The following LMNTD1 variants were observed in gnomAD, a reference collection of about 807,000 sequenced individuals.
LMNTD1 encodes lamin tail domain containing 1.
A neutral mutation model predicts 50.9 loss-of-function variants in LMNTD1; 35 were observed. The observed-to-expected ratio is 0.69, with a 90% CI of 0.53 to 0.91. The LOEUF is 0.91. Among genes scored for constraint, LMNTD1 ranks in the 40% least tolerant of loss-of-function variants. LMNTD1 has a pLI of 0.00. For synonymous variants in LMNTD1, 153 were observed against 161.9 expected (o/e 0.94, Z 0.42); for missense variants, 470 against 475.5 (o/e 0.99, Z 0.11).
intron 9 of LMNTD1, among the ~76,000 whole-genome samples, chr12:25,483,853 G>C (rs1377549754): frequency 6.6e-6 from 1 of 151,688 alleles, no homozygotes; most frequent in Non-Finnish European, 1.5e-5. Context: ...CTATGAATGA[G>C]AAATCTAACC....
intron 4 of LMNTD1, among the ~76,000 whole-genome samples, chr12:25,545,091 A>G (rs554167921): frequency 6.6e-6 from 1 of 151,670 alleles, no homozygotes; most frequent in South Asian, 2.1e-4. Flanking sequence ...TTCTTTTTGA[A>G]CATTAGTGTT....
At chr12:25,530,446 T>C (rs1363560420) in intron 4 of LMNTD1, among the ~76,000 whole-genome samples, 2 of 152,204 alleles carry the variant, frequency 1.3e-5, no homozygotes, top group Non-Finnish European at 2.9e-5. Flanking sequence ...AACAGCTTTG[T>C]TTGTATGTAT....
intron 6 of LMNTD1, among the ~76,000 whole-genome samples, chr12:25,522,165 T>A (rs903992588): frequency 6.6e-6 from 1 of 150,840 alleles, no homozygotes; most frequent in Non-Finnish European, 1.5e-5. Context: ...AATTCTTTTT[T>A]AAAAAGTTTA....
chr12:25,622,396 C>T (rs1299046755), intron 1 of LMNTD1, among the ~76,000 whole-genome samples: 2 of 151,744 alleles, frequency 1.3e-5, no homozygotes, highest in African/African-American at 4.8e-5. Flanking sequence ...TCATGCATGA[C>T]CCACAGGCAC....
intron 1 of LMNTD1, among the ~76,000 whole-genome samples, chr12:25,560,537 G>A (rs1592016736): frequency 1.3e-5 from 2 of 152,106 alleles, no homozygotes; most frequent in African/African-American, 4.8e-5. Context: ...CTCTTTTTTG[G>A]TTCCATATGA....
chr12:25,521,334 G>A (rs560216700), intron 6 of LMNTD1, among the ~76,000 whole-genome samples: 24 of 152,188 alleles, frequency 1.6e-4, no homozygotes, highest in African/African-American at 5.5e-4. Context: ...TTCTTTCCCA[G>A]CAGTATTATG....
At chr12:25,549,176 T>C in intron 3 of LMNTD1, 150 bp downstream of exon 3, 2 of 551,650 alleles carry the variant, frequency 3.6e-6, no homozygotes, top group East Asian at 5.9e-5. Flanking sequence ...GTGATGACCA[T>C]AGTTAAGTTA....
In LMNTD1 at chr12:25,552,896, C is replaced by G; in HGVS notation, c.64G>C (p.Glu22Gln). Residue 22 changes from glutamate to glutamine, a missense_variant, in exon 2 of 10, where the codon GAA becomes CAA. Coordinates refer to ENST00000458174, the MANE Select transcript of LMNTD1 (RefSeq NM_001145728.2). ...KAMQNKVHEQ[E>Q]DKNEKQKQRE... is the part of the protein sequence containing the mutation. The stretch of plus-strand genomic sequence containing the variant: ...TGTTTTTGTTTCTCATTCTTATCTT[C>G]CTGCTCATGGACTTTATTCTGCATT... 6.4e-7 allele frequency: 1 copy of G among 1,550,854 alleles called. No homozygotes were observed. Among genetic ancestry groups the G allele is most frequent in the Non-Finnish European group, 8.7e-7 (1 of 1,145,692 alleles).
rs187321454 is a variant in LMNTD1 at position 25,592,303 on chromosome 12, G to C, written c.59-45749C>G. Reference sequence around the variant, plus strand: ...AACTATTGCTCCAGAATGACTGCAGGCATACATTAGGAAAGCCAAGAGAAC... The same window carrying C: ...AACTATTGCTCCAGAATGACTGCAGCCATACATTAGGAAAGCCAAGAGAAC... On this transcript the variant is annotated intron_variant, in intron 1 of 7. Transcript: ENST00000445693. 2.0e-5 allele frequency among the ~76,000 whole-genome samples: 3 copies of C among 152,312 alleles called. No homozygotes were observed. In the East Asian group the frequency reaches 5.8e-4, roughly 29 times the overall value.
chr12:25,488,201 TCTC>T (rs1475886716), intron 9 of LMNTD1, among the ~76,000 whole-genome samples: 1 of 139,394 alleles, frequency 7.2e-6, no homozygotes, highest in African/African-American at 2.6e-5. Context: ...TTGGGGAAGT[TCTC>T]CTGGATAATA....
chr12:25,601,413 C>G (rs1484032179), intron 1 of LMNTD1, among the ~76,000 whole-genome samples: 2 of 151,512 alleles, frequency 1.3e-5, no homozygotes, highest in Non-Finnish European at 2.9e-5. Context: ...AATGGGGTGA[C>G]TATAGTCAAT....
chr12:25,527,679 TATACACACACACACACACACACAC>T (rs1401486175), intron 4 of LMNTD1, among the ~76,000 whole-genome samples: 246 of 19,226 alleles, frequency 0.013, 3 homozygotes, highest in African/African-American at 0.032. Context: ...TATATATATA[TATACACACACACACACACACACAC>T]ACACACACAC....
chr12:25,541,948 G>A (rs1433156824), intron 4 of LMNTD1, among the ~76,000 whole-genome samples: 1 of 152,144 alleles, frequency 6.6e-6, no homozygotes, highest in Non-Finnish European at 1.5e-5. Flanking sequence ...AGACATTTAT[G>A]CAGCCAACAG....
At chr12:25,492,686 A>C (rs901400477) in intron 9 of LMNTD1, among the ~76,000 whole-genome samples, 1 of 152,208 alleles carries the variant, frequency 6.6e-6, no homozygotes, top group Non-Finnish European at 1.5e-5. Flanking sequence ...AGCAAGTCAT[A>C]AAAAGCAAGA....
chr12:25,544,141 T>C (rs1591974447), intron 4 of LMNTD1, among the ~76,000 whole-genome samples: 2 of 151,830 alleles, frequency 1.3e-5, no homozygotes, highest in Admixed American at 6.6e-5. Context: ...TTGTGTCTGG[T>C]TCATCTGTCC....
chr12:25,555,242 T>G (rs1381860969), upstream of LMNTD1, among the ~76,000 whole-genome samples: 1 of 152,150 alleles, frequency 6.6e-6, no homozygotes, highest in South Asian at 2.1e-4. Flanking sequence ...CCAAGAGTTA[T>G]CAGTTTGGAA....
chr12:25,606,086 T>A (rs1285181434), intron 1 of LMNTD1, among the ~76,000 whole-genome samples: 1 of 152,216 alleles, frequency 6.6e-6, no homozygotes, highest in Non-Finnish European at 1.5e-5. Flanking sequence ...TTTTATTCTC[T>A]TTGAAGCAGT....
At chr12:25,541,493 G>C (rs1353033705) in intron 4 of LMNTD1, among the ~76,000 whole-genome samples, 1 of 110,216 alleles carries the variant, frequency 9.1e-6, no homozygotes, top group African/African-American at 3.1e-5. Flanking sequence ...TTTAATAAAT[G>C]GTTCTGGGAA....
In LMNTD1 at chr12:25,612,538, G is replaced by A. The variant is rs1946271553; in HGVS notation, c.58+35956C>T. On this transcript the variant is annotated intron_variant, in intron 1 of 7. Coordinates refer to the LMNTD1 transcript ENST00000445693. ...ACCTTTGCTGAGTCACTCAGGTAAT[G>A]TAAACTCGCATCAGATCTTATTTTT... Among the ~76,000 whole-genome samples, 6 of 152,100 alleles carry A rather than the reference G, an allele frequency of 3.9e-5. 1 individual carries two copies. In the South Asian group the frequency reaches 1.2e-3, roughly 32 times the overall value.
Sources: gnomAD v4.1 joint callset for allele counts (sites outside exome capture counted in the v4.1 genomes callset) on GRCh38, gnomAD v4.1.1 for gene constraint, MANE v1.5 for transcripts, NCBI Gene and HGNC (gene_info 2026-07-23, HGNC 2026-07-21) for gene names.